Variants in LONP2 observed in about 807,000 individuals in gnomAD.
LONP2 encodes lon peptidase 2, peroxisomal.
In LONP2, 60 loss-of-function variants were observed where a neutral mutation model predicts 85.6. That is an observed-to-expected ratio of 0.70 (90% CI 0.57 to 0.87). The LOEUF (loss-of-function observed/expected upper bound fraction) is 0.87, where lower values mean the gene tolerates loss of function less well. Ranked by LOEUF, LONP2 falls within the 40% of genes least tolerant of loss-of-function variation. The pLI is 0.00. For missense variants in LONP2, 860 were observed against 1,063.5 expected, an observed-to-expected ratio of 0.81 and a Z score of 2.66; for synonymous variants, 395 against 389.7, an observed-to-expected ratio of 1.01 and a Z score of -0.16.
At chr16:48,351,026 TTCTTACCGAG>T (rs1960127229) in intron 14 of LONP2, among the ~76,000 whole-genome samples, 1 of 152,192 alleles carries the variant, frequency 6.6e-6, no homozygotes, top group Admixed American at 6.6e-5. Context: ...CACACTCTGT[TTCTTACCGAG>T]TCACAAAGCC....
At chr16:48,359,193 A>G (rs1293670089), downstream of LONP2, among the ~76,000 whole-genome samples, 1 of 152,004 alleles carries the variant, frequency 6.6e-6, no homozygotes, top group Non-Finnish European at 1.5e-5. Flanking sequence ...CGAACTCCTG[A>G]CCTTAAGTGA....
At chr16:48,271,628 A>G (rs1032587171) in intron 7 of LONP2, among the ~76,000 whole-genome samples, 1 of 152,188 alleles carries the variant, frequency 6.6e-6, no homozygotes, top group African/African-American at 2.4e-5. Flanking sequence ...CATGCCTGTA[A>G]TCCCAGCACT....
Position 48,287,199 on chromosome 16 carries a change from C to T in LONP2, c.1384-8816C>T, listed in dbSNP as rs562298750. 4.6e-5 allele frequency among the ~76,000 whole-genome samples: 7 copies of T among 152,326 alleles called. No homozygotes were observed. In the South Asian group the frequency reaches 1.4e-3, roughly 32 times the overall value. On this transcript the variant is annotated intron_variant, in intron 8 of 14. Coordinates refer to ENST00000285737, the MANE Select transcript of LONP2 (RefSeq NM_031490.5). ...CAGATGGTTTACAACTCTGCCTTAGCCTTCACTTCCTGCTTTTGCAGAGCC... is the reference window on the plus strand; with the variant it reads ...CAGATGGTTTACAACTCTGCCTTAGTCTTCACTTCCTGCTTTTGCAGAGCC...
intron 11 of LONP2, among the ~76,000 whole-genome samples, chr16:48,314,212 C>T (rs1213038011): frequency 1.3e-5 from 2 of 150,892 alleles, no homozygotes; most frequent in Non-Finnish European, 2.9e-5. Context: ...AGACTTTTGT[C>T]GGGTGGATAG....
intron 9 of LONP2, among the ~76,000 whole-genome samples, chr16:48,297,942 C>G (rs1372466811): frequency 6.6e-6 from 1 of 152,232 alleles, no homozygotes; most frequent in Non-Finnish European, 1.5e-5. Context: ...TCATGATCCA[C>G]CCACCTTGGC....
At chr16:48,248,812 A>G (rs931182826) in intron 1 of LONP2, among the ~76,000 whole-genome samples, 2 of 150,642 alleles carry the variant, frequency 1.3e-5, no homozygotes, top group African/African-American at 4.9e-5. Flanking sequence ...AGCCCAGGTG[A>G]TCGAAGCTGC....
At chr16:48,271,958 A>G (rs1452201291) in intron 7 of LONP2, among the ~76,000 whole-genome samples, 5 of 152,180 alleles carry the variant, frequency 3.3e-5, no homozygotes, top group African/African-American at 1.2e-4. Flanking sequence ...CTAGGGCCTA[A>G]ATCTTCTAAT....
At chr16:48,337,357 A>C (rs1382939659) in intron 12 of LONP2, among the ~76,000 whole-genome samples, 2 of 152,178 alleles carry the variant, frequency 1.3e-5, no homozygotes, top group African/African-American at 4.8e-5. Flanking sequence ...TTGGAATGGG[A>C]GAGGCTGGGC....
At chr16:48,287,953 A>G (rs1186048459) in intron 8 of LONP2, among the ~76,000 whole-genome samples, 1 of 152,096 alleles carries the variant, frequency 6.6e-6, no homozygotes, top group African/African-American at 2.4e-5. Context: ...CTGTGCTTGA[A>G]TGATTTCACT....
intron 11 of LONP2, among the ~76,000 whole-genome samples, chr16:48,307,544 T>TA: frequency 6.6e-6 from 1 of 152,212 alleles, no homozygotes; most frequent in East Asian, 1.9e-4. Context: ...ATTTATATTA[T>TA]AATCAGTCCT....
intron 8 of LONP2, among the ~76,000 whole-genome samples, chr16:48,282,754 T>G (rs1972357489): frequency 6.6e-6 from 1 of 152,174 alleles, no homozygotes; most frequent in Admixed American, 6.5e-5. Context: ...ACAGCAATAT[T>G]GAAATTAGGC....
intron 2 of LONP2, among the ~76,000 whole-genome samples, chr16:48,255,663 G>C (rs1455534749): frequency 6.6e-6 from 1 of 151,906 alleles, no homozygotes; most frequent in Non-Finnish European, 1.5e-5. Context: ...GTCAGGGGGC[G>C]GTGCCAGGTG....
intron 12 of LONP2, among the ~76,000 whole-genome samples, chr16:48,341,312 A>G (rs1052846129): frequency 6.6e-6 from 1 of 152,060 alleles, no homozygotes; most frequent in Non-Finnish European, 1.5e-5. Context: ...AAATAAATAA[A>G]TAAATAAATA....
chr16:48,299,669 A>G lies in LONP2; in HGVS notation c.1542A>G (p.Thr514=). The G allele has an allele frequency of 6.2e-7, 1 of 1,612,580 alleles. No homozygotes were observed. Among genetic ancestry groups the G allele is most frequent in the Non-Finnish European group, 8.5e-7 (1 of 1,179,458 alleles). ...AGATCTCTTCTTTTCCAGGTTATAC[A>G]CAGGAGGAGAAGATAGAGATTGCCC... ...RMEIIQVPGY[T]QEEKIEIAHR... The change falls in exon 10 of 15, where the codon ACA becomes ACG. Residue 514 remains threonine (T), a synonymous_variant. Transcript: ENST00000285737.
chr16:48,307,510 A>G (rs575758213), intron 11 of LONP2, among the ~76,000 whole-genome samples: 1 of 152,346 alleles, frequency 6.6e-6, no homozygotes, highest in Non-Finnish European at 1.5e-5. Flanking sequence ...ATTTTTCCTC[A>G]AAAATTATCC....
At chr16:48,290,763 A>G (rs2150991514) in intron 8 of LONP2, among the ~76,000 whole-genome samples, 1 of 152,236 alleles carries the variant, frequency 6.6e-6, no homozygotes, top group Non-Finnish European at 1.5e-5. Flanking sequence ...CGGGTTTTTA[A>G]TGGAGGCCTT....
At chr16:48,314,467 A>C (rs1434920774) in intron 11 of LONP2, among the ~76,000 whole-genome samples, 2 of 152,008 alleles carry the variant, frequency 1.3e-5, no homozygotes, top group Non-Finnish European at 2.9e-5. Context: ...ATTCATCTTG[A>C]GTTATTAAAT....
chr16:48,252,127 T>C lies in LONP2; in HGVS notation c.234-4T>C. ...GTAATACCGATGTTTTGTGTGTTTTTCAGGATTGGCACAGCTGCACTGGCC... is the reference window on the plus strand; with the variant it reads ...GTAATACCGATGTTTTGTGTGTTTTCCAGGATTGGCACAGCTGCACTGGCC... On this transcript the variant is annotated splice_polypyrimidine_tract_variant and splice_region_variant and intron_variant, in intron 1 of 14. Coordinates refer to ENST00000285737, the MANE Select transcript of LONP2 (RefSeq NM_031490.5). 1 of 1,549,908 alleles carries C rather than the reference T, an allele frequency of 6.5e-7. No individual in the cohort carries two copies. Among genetic ancestry groups the C allele is most frequent in the Non-Finnish European group, 8.8e-7 (1 of 1,142,176 alleles).
At chr16:48,265,533 AACTTTATAG>A (rs150055638) in intron 6 of LONP2, among the ~76,000 whole-genome samples, 23,521 of 152,014 alleles carry the variant, frequency 0.15, 1,955 homozygotes, top group Middle Eastern at 0.26. Context: ...CCTTCTAGGT[AACTTTATAG>A]GTTTATTTCT....
Sources: allele counts gnomAD v4.1 joint callset (sites outside exome capture counted in the v4.1 genomes callset), GRCh38; gene constraint gnomAD v4.1.1; transcripts MANE v1.5; gene names NCBI Gene and HGNC (gene_info 2026-07-23, HGNC 2026-07-21).